PAX3: variants seen among roughly 807,000 people sequenced by gnomAD.
The protein encoded by PAX3 is paired box 3, also known as paired box protein Pax-3.
In PAX3, 14 loss-of-function variants were observed where a neutral mutation model predicts 51.6. That is an observed-to-expected ratio of 0.27 (90% CI 0.18 to 0.42). The LOEUF (loss-of-function observed/expected upper bound fraction) is 0.42. Ranked by LOEUF, PAX3 falls within the 10% of genes least tolerant of loss-of-function variation. The pLI is 1.00. For missense variants in PAX3, 540 were observed against 642.8 expected (o/e 0.84, Z 1.73); for synonymous variants, 280 against 253.4 (o/e 1.11, Z -1.00).
intron 4 of PAX3, among the ~76,000 whole-genome samples, chr2:222,237,533 G>A (rs980809926): frequency 7.9e-5 from 12 of 152,080 alleles, no homozygotes; most frequent in East Asian, 1.9e-4. Context: ...CAATCCAAAC[G>A]ATTTTCCAGT....
In PAX3 at chr2:222,297,155, G is replaced by T. The variant is rs1252612539; in HGVS notation, c.144C>A (p.Gly48=). 6.2e-7 allele frequency: 1 copy of T among 1,606,238 alleles called. No individual in the cohort carries two copies. Among genetic ancestry groups the T allele is most frequent in the Non-Finnish European group, 8.5e-7 (1 of 1,176,778 alleles). ...VNQLGGVFIN[G]RPLPNHIRHK... ...GGCGGATGTGGTTGGGCAGCGGCCTGCCGTTGATAAAAACACCGCCGAGCT... is the reference window on the plus strand; with the variant it reads ...GGCGGATGTGGTTGGGCAGCGGCCTTCCGTTGATAAAAACACCGCCGAGCT... The change falls in exon 2 of 9, where the codon GGC becomes GGA. Residue 48 remains glycine, a synonymous_variant. Transcript: ENST00000392070.
intron 5 of PAX3, chr2:222,221,674 C>T (rs755387437): frequency 2.8e-5 from 11 of 399,350 alleles, no homozygotes; most frequent in Non-Finnish European, 4.7e-5. Flanking sequence ...GTAGGAACAA[C>T]AGGAACTCCC....
chr2:222,272,050 C>G (rs553114169), intron 4 of PAX3, among the ~76,000 whole-genome samples: 15 of 152,284 alleles, frequency 9.9e-5, no homozygotes, highest in Middle Eastern at 6.8e-3. Context: ...CAAAGCTGAT[C>G]GTGTTGCATG....
chr2:222,298,482 C>A, intron 1 of PAX3, 49 bp downstream of exon 1: 5 of 1,477,826 alleles, frequency 3.4e-6, no homozygotes, highest in Non-Finnish European at 4.6e-6. Flanking sequence ...GGTGAGGCAG[C>A]CGGTCCCAGG....
chr2:222,284,838 T>G (rs1029614178), intron 4 of PAX3, among the ~76,000 whole-genome samples: 3 of 152,248 alleles, frequency 2.0e-5, no homozygotes, highest in Non-Finnish European at 4.4e-5. Flanking sequence ...CACAGAATCC[T>G]GGAAAGCTGG....
intron 6 of PAX3, among the ~76,000 whole-genome samples, chr2:222,220,812 C>G (rs1385592457): frequency 6.6e-6 from 1 of 152,156 alleles, no homozygotes; most frequent in African/African-American, 2.4e-5. Flanking sequence ...TTAACATTAT[C>G]CCATTCACCT....
chr2:222,280,855 T>C (rs532231963), intron 4 of PAX3, among the ~76,000 whole-genome samples: 1 of 152,338 alleles, frequency 6.6e-6, no homozygotes, highest in Admixed American at 6.5e-5. Context: ...CTCTAACCCC[T>C]GCACTCTTAA....
intron 4 of PAX3, among the ~76,000 whole-genome samples, chr2:222,271,927 A>C (rs1694265837): frequency 6.6e-6 from 1 of 152,204 alleles, no homozygotes; most frequent in African/African-American, 2.4e-5. Context: ...CAACTTCACA[A>C]GGAGCTGTTT....
rs758012824 is a variant in PAX3 at position 222,297,010 on chromosome 2, G to A, written c.289C>T (p.Arg97Cys). The part of the protein sequence containing the change: ...LCRYQETGSI[R>C]PGAIGGSKPK... ...TTGCTGCCGCCGATGGCACCAGGAC[G>A]TATGGAGCCAGTCTCCTGGTACCTG... Residue 97 changes from arginine (R) to cysteine (C), a missense_variant, in exon 2 of 9, where the codon CGT becomes TGT. Physicochemically the swap from Arg to Cys is radical, Grantham distance 180. Coordinates refer to ENST00000392070, the MANE Select transcript of PAX3 (RefSeq NM_181458.4). 2 of 1,613,874 alleles carry A rather than the reference G, an allele frequency of 1.2e-6. No homozygotes were observed. Among genetic ancestry groups the A allele is most frequent in the Non-Finnish European group, 8.5e-7 (1 of 1,179,896 alleles).
Position 222,223,926 on chromosome 2 carries a change from C to A in PAX3, c.793-2539G>T, listed in dbSNP as rs146334765. Among the ~76,000 whole-genome samples, 60 of 152,306 alleles carry A rather than the reference C, an allele frequency of 3.9e-4. No homozygotes were observed. In the East Asian group the frequency reaches 7.3e-3, roughly 19 times the overall value. On this transcript the variant is annotated intron_variant, in intron 5 of 8. Coordinates refer to ENST00000392070, the MANE Select transcript of PAX3 (RefSeq NM_181458.4). ...AAACCCAGGAGTGGTGAAGCCTGAT[C>A]TCTCCATCAATCTCAAGTTACTATT...
At chr2:222,226,908 G>A (rs893306524) in intron 5 of PAX3, among the ~76,000 whole-genome samples, 13 of 151,724 alleles carry the variant, frequency 8.6e-5, no homozygotes, top group African/African-American at 3.1e-4. Flanking sequence ...CCTTTCTCTA[G>A]TTAACAGTTG....
At chr2:222,235,037 T>C (rs973620364) in intron 4 of PAX3, among the ~76,000 whole-genome samples, 1 of 152,168 alleles carries the variant, frequency 6.6e-6, no homozygotes, top group Non-Finnish European at 1.5e-5. Flanking sequence ...AGGATAATAG[T>C]ATGTGGAAAT....
At chr2:222,235,829 C>T (rs1692779929) in intron 4 of PAX3, among the ~76,000 whole-genome samples, 1 of 152,106 alleles carries the variant, frequency 6.6e-6, no homozygotes, top group Non-Finnish European at 1.5e-5. Context: ...GCCGTTACCA[C>T]CAAAAATAAA....
At chr2:222,252,297 T>C (rs1051495011) in intron 4 of PAX3, among the ~76,000 whole-genome samples, 3 of 152,230 alleles carry the variant, frequency 2.0e-5, no homozygotes, top group Admixed American at 6.5e-5. Flanking sequence ...GTCTATATGA[T>C]AGCCAACATT....
chr2:222,217,369 A>G (rs1403068279), intron 7 of PAX3, among the ~76,000 whole-genome samples: 2 of 152,148 alleles, frequency 1.3e-5, no homozygotes, highest in Non-Finnish European at 2.9e-5. Context: ...AACCTCCTGC[A>G]TCTGTTTTTT....
chr2:222,211,104 C>T (rs904158092), intron 7 of PAX3, among the ~76,000 whole-genome samples: 8 of 152,068 alleles, frequency 5.3e-5, no homozygotes, highest in Admixed American at 3.3e-4. Flanking sequence ...TAGACACAAG[C>T]GATCCCACCT....
chr2:222,266,380 A>G (rs1694057092), intron 4 of PAX3, among the ~76,000 whole-genome samples: 1 of 152,242 alleles, frequency 6.6e-6, no homozygotes, highest in Admixed American at 6.5e-5. Flanking sequence ...ATATTCATAT[A>G]GTCTTTATCA....
At chr2:222,289,787 C>T (rs112926696) in intron 4 of PAX3, among the ~76,000 whole-genome samples, 125 of 152,268 alleles carry the variant, frequency 8.2e-4, no homozygotes, top group African/African-American at 2.8e-3. Context: ...AAATAGAACA[C>T]GGCGTGGTGT....
intron 4 of PAX3, among the ~76,000 whole-genome samples, chr2:222,261,609 A>G (rs1376373786): frequency 2.6e-5 from 4 of 151,800 alleles, no homozygotes; most frequent in Non-Finnish European, 4.4e-5. Flanking sequence ...AACAAAAAAA[A>G]AAAAAAGAAA....
Sources: gnomAD v4.1 joint callset for allele counts (sites outside exome capture counted in the v4.1 genomes callset) on GRCh38, gnomAD v4.1.1 for gene constraint, MANE v1.5 for transcripts, NCBI Gene and HGNC (gene_info 2026-07-23, HGNC 2026-07-21) for gene names.